Variants in ARMC12 observed in about 807,000 individuals in gnomAD.
The protein encoded by ARMC12 is armadillo repeat containing 12.
ARMC12 carries 25 observed loss-of-function variants against 37.4 expected under a neutral mutation model. That is an observed-to-expected ratio of 0.67 (90% confidence interval 0.49 to 0.93). ARMC12 has a LOEUF of 0.93. ARMC12 is among the 40% of genes least tolerant of loss of function. The pLI is 0.00. For synonymous variants in ARMC12, 167 were observed against 176.1 expected (o/e 0.95, Z 0.41); for missense variants, 384 against 426.6 (o/e 0.90, Z 0.88).
At chr6:35,741,108 A>G (rs975330394) in intron 3 of ARMC12, among the ~76,000 whole-genome samples, 1 of 151,556 alleles carries the variant, frequency 6.6e-6, no homozygotes, top group Non-Finnish European at 1.5e-5. Context: ...GGCTCAAGCA[A>G]TTCTCCCCCC....
upstream of ARMC12, chr6:35,736,700 C>T (rs898704673): frequency 3.8e-5 from 8 of 211,382 alleles, no homozygotes; most frequent in Admixed American, 1.0e-4. Context: ...CTCAACCTCC[C>T]AGGCTTAAGC....
At chr6:35,736,543 C>A (rs1212325093), upstream of ARMC12, among the ~76,000 whole-genome samples, 1 of 152,228 alleles carries the variant, frequency 6.6e-6, no homozygotes, top group Non-Finnish European at 1.5e-5. Flanking sequence ...GTGAAGGACA[C>A]TTCTGCCCTC....
chr6:35,747,595 T>C lies in ARMC12; in HGVS notation c.638T>C (p.Leu213Pro). The C allele has an allele frequency of 6.2e-7, 1 of 1,614,222 alleles. No individual in the cohort carries two copies. Among genetic ancestry groups the C allele is most frequent in the Non-Finnish European group, 8.5e-7 (1 of 1,180,026 alleles). The change falls in exon 5 of 6, where the codon CTG becomes CCG. Residue 213 changes from leucine to proline, a missense_variant. Leu to Pro is a moderately conservative substitution (Grantham distance 98). Transcript: ENST00000373866. The part of the protein sequence containing the change: ...ILAQVQAVRL[L>P]SYLAQKNDLL... Reference sequence around the variant, plus strand: ...ATTCAGGTGCAAGCCGTACGACTGCTGAGCTACCTGGCACAGAAGAATGAC... The same window carrying C: ...ATTCAGGTGCAAGCCGTACGACTGCCGAGCTACCTGGCACAGAAGAATGAC...
At chr6:35,737,999 C>T in intron 1 of ARMC12, 28 bp from the exon 2 acceptor site, 1 of 1,610,296 alleles carries the variant, frequency 6.2e-7, no homozygotes, top group Non-Finnish European at 8.5e-7. Flanking sequence ...GAGTCCACAG[C>T]CTGAACTGGG....
intron 3 of ARMC12, among the ~76,000 whole-genome samples, chr6:35,745,659 A>G (rs1184110637): frequency 5.3e-5 from 8 of 152,254 alleles, no homozygotes; most frequent in African/African-American, 1.4e-4. Flanking sequence ...CTATTATACT[A>G]TAATGCAAGA....
intron 3 of ARMC12, among the ~76,000 whole-genome samples, chr6:35,746,342 A>C (rs1767337054): frequency 6.6e-6 from 1 of 152,202 alleles, no homozygotes; most frequent in South Asian, 2.1e-4. Flanking sequence ...AATATGTAAG[A>C]GGCCATTGTG....
chr6:35,738,095 G>A lies in ARMC12; in HGVS notation c.232G>A (p.Glu78Lys), dbSNP rs1337200823. 1 of 1,614,056 alleles carries A rather than the reference G, an allele frequency of 6.2e-7. No homozygotes were observed. The highest frequency in any genetic ancestry group is 8.5e-7 in the Non-Finnish European group (1 of 1,180,028). ...GCTCCGGAGGCTCCTCAACTCTTTG[G>A]AGTGCAAACAGGATGAGTATGCCAA... Reference protein sequence around the residue: ...GELRRLLNSLECKQDEYAKSM... With the variant: ...GELRRLLNSLKCKQDEYAKSM... Residue 78 changes from glutamate (E) to lysine (K), a missense_variant, in exon 2 of 6, where the codon GAG becomes AAG. Transcript: ENST00000373866.
intron 3 of ARMC12, among the ~76,000 whole-genome samples, chr6:35,746,187 G>A (rs111849243): frequency 2.6e-5 from 4 of 152,310 alleles, no homozygotes; most frequent in African/African-American, 9.6e-5. Flanking sequence ...GGTTAGAGAA[G>A]GCCTTACTGA....
intron 1 of ARMC12, 155 bp from the exon 2 acceptor site, chr6:35,737,872 C>T (rs371157104): frequency 3.4e-5 from 32 of 948,906 alleles, no homozygotes; most frequent in East Asian, 7.5e-5. Flanking sequence ...AGTAAACATT[C>T]GTTCAACTGT....
intron 3 of ARMC12, among the ~76,000 whole-genome samples, chr6:35,741,571 A>G (rs927524286): frequency 6.6e-6 from 1 of 152,034 alleles, no homozygotes; most frequent in Non-Finnish European, 1.5e-5. Flanking sequence ...TGCGCGCACC[A>G]CCATGCCTGG....
intron 2 of ARMC12, 102 bp downstream of exon 2, chr6:35,738,274 G>T: frequency 8.6e-7 from 1 of 1,162,594 alleles, no homozygotes; most frequent in Non-Finnish European, 1.2e-6. Context: ...ACCTCTCTCT[G>T]GCTGATAGCG....
Position 35,747,395 on chromosome 6 carries a change from C to T in ARMC12, c.579C>T (p.Ala193=). 6.2e-7 allele frequency: 1 copy of T among 1,614,214 alleles called. No individual in the cohort carries two copies. ...CACAGCTGCGACGGGTGATGCCTGCCTTGATGGAGATCCTGCAGTCAGACT... is the reference window on the plus strand; with the variant it reads ...CACAGCTGCGACGGGTGATGCCTGCTTTGATGGAGATCCTGCAGTCAGACT... ...VHPQLRRVMP[A]LMEILQSDYI... Residue 193 remains alanine (A), a synonymous_variant, in exon 4 of 6, where the codon GCC becomes GCT. Coordinates refer to ENST00000373866, the MANE Select transcript of ARMC12 (RefSeq NM_001286574.2).
rs1173559820 is a variant in ARMC12 at position 35,738,183 on chromosome 6, C to T, written c.309+11C>T. The T allele has an allele frequency of 6.2e-7, 1 of 1,603,916 alleles. No homozygotes were observed. Among genetic ancestry groups the T allele is most frequent in the East Asian group, 2.2e-5 (1 of 44,508 alleles). On this transcript the variant is annotated intron_variant, in intron 2 of 5. Transcript: ENST00000373866. The stretch of plus-strand genomic sequence containing the variant: ...TTGCTGGAGGCTGAGGTAAGGGAAG[C>T]AGGAGGTCCCCCCTAGCCGGCCTGG...
intron 3 of ARMC12, among the ~76,000 whole-genome samples, chr6:35,744,605 A>T (rs1767280748): frequency 2.0e-5 from 3 of 152,028 alleles, no homozygotes; most frequent in Admixed American, 2.0e-4. Flanking sequence ...AAATACAAAA[A>T]CTAGCTGGGC....
Position 35,738,101 on chromosome 6 carries a change from A to G in ARMC12, c.238A>G (p.Lys80Glu), listed in dbSNP as rs200658579. 252 of 1,614,040 alleles carry G rather than the reference A, an allele frequency of 1.6e-4. 1 individual carries two copies. Among genetic ancestry groups the G allele is most frequent in the Admixed American group, 1.8e-4 (11 of 60,024 alleles). ...GAGGCTCCTCAACTCTTTGGAGTGC[A>G]AACAGGATGAGTATGCCAAGAGCAT... ...LRRLLNSLECKQDEYAKSMIL... is the reference protein window; with the variant it reads ...LRRLLNSLECEQDEYAKSMIL... The change falls in exon 2 of 6, where the codon AAA (lysine) becomes GAA (glutamate). Residue 80 changes from lysine (K) to glutamate (E), a missense_variant. By Grantham distance (56) the Lys-to-Glu change is moderately conservative (BLOSUM62 1). Transcript: ENST00000373866.
chr6:35,747,732 A>G (rs1324660937), intron 5 of ARMC12, 85 bp downstream of exon 5: 33 of 1,385,076 alleles, frequency 2.4e-5, no homozygotes, highest in Admixed American at 7.1e-5. Flanking sequence ...AGACAGATTT[A>G]CCCCTGATGA....
chr6:35,741,279 G>A (rs1420246578), intron 3 of ARMC12, among the ~76,000 whole-genome samples: 2 of 152,160 alleles, frequency 1.3e-5, no homozygotes, highest in Admixed American at 1.3e-4. Flanking sequence ...GGATTCTAGG[G>A]TGTGTATGCA....
At chr6:35,735,208 A>C (rs1001626003), upstream of ARMC12, 1 of 152,346 alleles carries the variant, frequency 6.6e-6, no homozygotes, top group Non-Finnish European at 1.5e-5. The surrounding 1 kb of genome is among the most constrained non-coding windows in gnomAD (Gnocchi z 4.0). Context: ...GATCCACCAA[A>C]GTAGCCTGGG....
intron 3 of ARMC12, among the ~76,000 whole-genome samples, chr6:35,746,399 A>G (rs962174394): frequency 1.4e-4 from 22 of 152,304 alleles, no homozygotes; most frequent in African/African-American, 5.3e-4. Flanking sequence ...GGAGTCCAAG[A>G]CATAATAGGG....
Sources: gnomAD v4.1 joint callset for allele counts (sites outside exome capture counted in the v4.1 genomes callset) on GRCh38, gnomAD v4.1.1 for gene constraint, Gnocchi (gnomAD v3.1) non-coding constraint, MANE v1.5 for transcripts, NCBI Gene and HGNC (gene_info 2026-07-23, HGNC 2026-07-21) for gene names.